The following TGM4 variants were observed in gnomAD, a reference collection of about 807,000 sequenced individuals.
TGM4 encodes the protein protein-glutamine gamma-glutamyltransferase 4.
A neutral mutation model predicts 76.3 loss-of-function variants in TGM4; 61 were observed. The ratio of observed to expected loss-of-function variants is 0.80; its 90% CI spans 0.65 to 0.99. TGM4 has a LOEUF of 0.99. Ranked by LOEUF, TGM4 falls within the 50% of genes least tolerant of loss-of-function variation. The pLI is 0.00. For missense variants in TGM4, 794 were observed against 843.2 expected, an observed-to-expected ratio of 0.94 and a Z score of 0.72; for synonymous variants, 337 against 329.8, an observed-to-expected ratio of 1.02 and a Z score of -0.24.
intron 1 of TGM4, among the ~76,000 whole-genome samples, chr3:44,878,683 T>A (rs1159251359): frequency 6.6e-6 from 1 of 152,052 alleles, no homozygotes; most frequent in East Asian, 1.9e-4. Flanking sequence ...GGTTTCACCA[T>A]GTTGGCCAGG....
intron 5 of TGM4, 129 bp downstream of exon 5, chr3:44,893,824 G>A: frequency 1.2e-6 from 1 of 858,618 alleles, no homozygotes; most frequent in Non-Finnish European, 1.9e-6. Context: ...CCTCATACAT[G>A]TAAAACTTGG....
At chr3:44,891,265 C>T (rs1451920256) in intron 4 of TGM4, among the ~76,000 whole-genome samples, 3 of 152,204 alleles carry the variant, frequency 2.0e-5, no homozygotes, top group South Asian at 2.1e-4. Context: ...AAATGCGGCA[C>T]ATTCTATGTC....
intron 4 of TGM4, among the ~76,000 whole-genome samples, chr3:44,892,351 C>CT (rs1014242756): frequency 4.8e-5 from 7 of 144,400 alleles, no homozygotes; most frequent in Admixed American, 1.4e-4. Context: ...AGTTTGGTCA[C>CT]TTTTTTTTTA....
chr3:44,901,489 G>A (rs764355145), intron 6 of TGM4, 35 bp from the exon 7 acceptor site: 3 of 1,568,580 alleles, frequency 1.9e-6, no homozygotes, highest in Non-Finnish European at 2.6e-6. Flanking sequence ...TCTTCTGAGG[G>A]GCGGACACTG....
chr3:44,901,320 G>A (rs756293075), intron 6 of TGM4, among the ~76,000 whole-genome samples: 29 of 152,228 alleles, frequency 1.9e-4, no homozygotes, highest in African/African-American at 1.4e-4. Flanking sequence ...GCATACAGCA[G>A]TGAGCATCCT....
chr3:44,882,255 G>A (rs1175617840), intron 1 of TGM4, among the ~76,000 whole-genome samples: 2 of 152,036 alleles, frequency 1.3e-5, no homozygotes, highest in African/African-American at 4.8e-5. Flanking sequence ...GACAGCCCCA[G>A]TGTGGCTTCC....
At chr3:44,908,890 C>T (rs1202295779) in intron 10 of TGM4, among the ~76,000 whole-genome samples, 2 of 152,150 alleles carry the variant, frequency 1.3e-5, no homozygotes, top group African/African-American at 4.8e-5. Context: ...AGTTTGTTTG[C>T]ATGTCTTGTA....
chr3:44,884,428 G>A lies in TGM4; in HGVS notation c.20-897G>A, dbSNP rs189927727. Among the ~76,000 whole-genome samples, 5 of 152,314 alleles carry A rather than the reference G, an allele frequency of 3.3e-5. No individual in the cohort carries two copies. In the East Asian group the frequency reaches 7.7e-4, roughly 24 times the overall value. On this transcript the variant is annotated intron_variant, in intron 1 of 13. Coordinates refer to ENST00000296125, the MANE Select transcript of TGM4 (RefSeq NM_003241.4). ...CTACAGAAAAGGGTGTATTATGCAT[G>A]TGGAGATTATTTCTTTTACTGAATG...
At chr3:44,906,683 G>A (rs1446322300) in intron 9 of TGM4, among the ~76,000 whole-genome samples, 2 of 152,202 alleles carry the variant, frequency 1.3e-5, no homozygotes. Flanking sequence ...CTCTACTGGG[G>A]ACTGATGTGC....
At chr3:44,882,802 C>G (rs1417301132) in intron 1 of TGM4, among the ~76,000 whole-genome samples, 1 of 152,226 alleles carries the variant, frequency 6.6e-6, no homozygotes, top group Non-Finnish European at 1.5e-5. Flanking sequence ...CACCATTCAA[C>G]CCACTATATG....
rs747828265 is a variant in TGM4 at position 44,893,674 on chromosome 3, C to A, written c.528C>A (p.Cys176Ter). The A allele has an allele frequency of 2.2e-5, 35 of 1,613,854 alleles. No homozygotes were observed. Among genetic ancestry groups the A allele is most frequent in the Non-Finnish European group, 3.0e-5 (35 of 1,179,826 alleles). ...TGGGGGCTGCCAGAAGTATCAAATG[C>A]AAACCCTGGAACTTTGGTCAGGTAA... ...HYVGAARSIKCKPWNFGQFEK... is the reference protein window; with the variant it reads ...HYVGAARSIK Residue 176 changes from cysteine (C) to a stop codon, truncating the protein, a stop_gained, in exon 5 of 14, where the codon TGC (cysteine) becomes TGA (stop). Transcript: ENST00000296125. LOFTEE classifies it high-confidence loss of function.
chr3:44,912,851 G>C (rs1700022495), intron 13 of TGM4, among the ~76,000 whole-genome samples: 1 of 152,118 alleles, frequency 6.6e-6, no homozygotes, highest in African/African-American at 2.4e-5. Flanking sequence ...TTTTATGAAT[G>C]GAATATTTTT....
At chr3:44,911,773 G>T (rs1015148230) in intron 13 of TGM4, among the ~76,000 whole-genome samples, 2 of 152,076 alleles carry the variant, frequency 1.3e-5, no homozygotes, top group Non-Finnish European at 2.9e-5. Context: ...TTACACAGTA[G>T]AGTGTTATGT....
Position 44,914,971 on chromosome 3 carries a change from T to C in TGM4, c.*1246T>C, listed in dbSNP as rs1359836668. The C allele has an allele frequency of 6.6e-6, 1 of 152,142 alleles. No homozygotes were observed. Among genetic ancestry groups the C allele is most frequent in the Non-Finnish European group, 1.5e-5 (1 of 68,028 alleles). 9.4% of individuals were successfully genotyped at this position (152,142 alleles called of 1,614,324 possible). Reference sequence around the variant, plus strand: ...TCCCTGGCATACAGTAGGTGTTCAATAAATGTTTATTGAAGGAAAGGTGAC... The same window carrying C: ...TCCCTGGCATACAGTAGGTGTTCAACAAATGTTTATTGAAGGAAAGGTGAC... On this transcript the variant is annotated 3_prime_UTR_variant, in exon 14 of 14. Coordinates refer to ENST00000296125, the MANE Select transcript of TGM4 (RefSeq NM_003241.4).
At chr3:44,896,931 C>A in intron 6 of TGM4, 115 bp downstream of exon 6, 1 of 702,328 alleles carries the variant, frequency 1.4e-6, no homozygotes, top group East Asian at 2.6e-5. Context: ...GTGCTATGGC[C>A]AATCAATTGT....
intron 1 of TGM4, among the ~76,000 whole-genome samples, chr3:44,875,911 T>A (rs1410965453): frequency 6.6e-6 from 1 of 152,190 alleles, no homozygotes; most frequent in Non-Finnish European, 1.5e-5. Context: ...TCCTTAGGAC[T>A]GAGAAAGGGT....
intron 6 of TGM4, among the ~76,000 whole-genome samples, chr3:44,898,761 T>A (rs1017285595): frequency 1.3e-5 from 2 of 152,122 alleles, no homozygotes; most frequent in East Asian, 3.9e-4. Context: ...GGGGCTCCTG[T>A]TCCCCTGCAC....
chr3:44,878,341 C>A (rs1300353171), intron 1 of TGM4, among the ~76,000 whole-genome samples: 2 of 151,742 alleles, frequency 1.3e-5, no homozygotes, highest in African/African-American at 2.4e-5. Context: ...GCAGAGAAAA[C>A]TGGAAAGATA....
intron 5 of TGM4, 98 bp downstream of exon 5, chr3:44,893,793 G>T: frequency 1.8e-6 from 2 of 1,138,332 alleles, no homozygotes; most frequent in Admixed American, 3.4e-5. Context: ...AAAGGGTTGT[G>T]AACCTCGGGT....
Sources: gnomAD v4.1 joint callset for allele counts (sites outside exome capture counted in the v4.1 genomes callset) on GRCh38, gnomAD v4.1.1 for gene constraint, MANE v1.5 for transcripts, NCBI Gene and HGNC (gene_info 2026-07-23, HGNC 2026-07-21) for gene names.